The following DTNB variants were observed in gnomAD, a reference collection of about 807,000 sequenced individuals.
The protein encoded by DTNB is DTN-B.
In DTNB, 63 loss-of-function variants were observed where a neutral mutation model predicts 90.7. That is an observed-to-expected ratio of 0.69 (90% confidence interval 0.57 to 0.86). The LOEUF (loss-of-function observed/expected upper bound fraction) is 0.86. Ranked by LOEUF, DTNB falls within the 40% of genes least tolerant of loss-of-function variation. The probability of loss-of-function intolerance (pLI) is 0.00; values close to 1 mark genes in which losing one functional copy is unlikely to be tolerated. For missense variants in DTNB, 744 were observed against 807.1 expected, an observed-to-expected ratio of 0.92 and a Z score of 0.95; for synonymous variants, 277 against 286.7, an observed-to-expected ratio of 0.97 and a Z score of 0.34.
At chr2:25,508,005 G>A (rs894566218) in intron 9 of DTNB, among the ~76,000 whole-genome samples, 7 of 152,144 alleles carry the variant, frequency 4.6e-5, no homozygotes, top group Non-Finnish European at 1.0e-4. Flanking sequence ...ATGTTCAAAT[G>A]TCACTTTTCA....
At chr2:25,581,200 A>T (rs1214626082) in intron 6 of DTNB, among the ~76,000 whole-genome samples, 4 of 152,188 alleles carry the variant, frequency 2.6e-5, no homozygotes, top group Admixed American at 2.6e-4. Context: ...TCCAGTGGGG[A>T]AGAGAAGACA....
At chr2:25,405,018 A>G (rs928601961) in intron 16 of DTNB, among the ~76,000 whole-genome samples, 1 of 152,086 alleles carries the variant, frequency 6.6e-6, no homozygotes. Context: ...ATCATGGCTC[A>G]CCACAGCCTT....
At chr2:25,448,731 G>C (rs978961947) in intron 12 of DTNB, among the ~76,000 whole-genome samples, 1 of 151,884 alleles carries the variant, frequency 6.6e-6, no homozygotes, top group Non-Finnish European at 1.5e-5. Flanking sequence ...GCGGGCACCT[G>C]TAGTCCCAGC....
chr2:25,447,693 G>A (rs1196791820), intron 12 of DTNB, among the ~76,000 whole-genome samples: 1 of 151,676 alleles, frequency 6.6e-6, no homozygotes, highest in Non-Finnish European at 1.5e-5. Flanking sequence ...ATTTTTAGTA[G>A]AGACGGGGTT....
intron 3 of DTNB, among the ~76,000 whole-genome samples, chr2:25,631,987 G>A (rs1490540116): frequency 6.6e-6 from 1 of 152,078 alleles, no homozygotes; most frequent in African/African-American, 2.4e-5. Context: ...TTGAGGTCAG[G>A]AGTTCAAGAC....
chr2:25,618,239 C>T (rs1023275389), intron 4 of DTNB, among the ~76,000 whole-genome samples: 8 of 152,150 alleles, frequency 5.3e-5, no homozygotes, highest in African/African-American at 1.9e-4. Flanking sequence ...AGCATTCTTC[C>T]TCTACAACTA....
At chr2:25,597,193 T>C (rs1258713468) in intron 5 of DTNB, among the ~76,000 whole-genome samples, 1 of 152,008 alleles carries the variant, frequency 6.6e-6, no homozygotes, top group African/African-American at 2.4e-5. Context: ...TAGCCAGGCA[T>C]AGTGGTGTGC....
chr2:25,417,990 C>A (rs78090087), intron 16 of DTNB, among the ~76,000 whole-genome samples: 1 of 152,134 alleles, frequency 6.6e-6, no homozygotes, highest in Non-Finnish European at 1.5e-5. Flanking sequence ...GGAAGTGATG[C>A]GTGTCACTTC....
chr2:25,580,953 T>C (rs2148202608), intron 6 of DTNB, 127 bp from the exon 7 acceptor site: 1 of 692,736 alleles, frequency 1.4e-6, no homozygotes, highest in East Asian at 2.9e-5. Flanking sequence ...CAAAATAAAA[T>C]ATTTTACATT....
intron 9 of DTNB, among the ~76,000 whole-genome samples, chr2:25,492,026 T>C (rs973272269): frequency 6.6e-6 from 1 of 151,994 alleles, no homozygotes; most frequent in Admixed American, 6.6e-5. Context: ...GTCATTCGAG[T>C]GTACTGTCTA....
intron 4 of DTNB, among the ~76,000 whole-genome samples, chr2:25,612,958 T>C (rs1205182592): frequency 1.3e-5 from 2 of 152,200 alleles, no homozygotes; most frequent in Non-Finnish European, 2.9e-5. Flanking sequence ...CTCCTCATTC[T>C]GAAGGCTGTA....
intron 10 of DTNB, among the ~76,000 whole-genome samples, chr2:25,473,750 G>A (rs940346903): frequency 6.6e-6 from 1 of 152,140 alleles, no homozygotes; most frequent in Admixed American, 6.5e-5. Context: ...TTGACCAAAG[G>A]GACCTTAATT....
intron 1 of DTNB, among the ~76,000 whole-genome samples, chr2:25,661,912 T>G (rs1194644262): frequency 6.6e-6 from 1 of 152,160 alleles, no homozygotes; most frequent in African/African-American, 2.4e-5. Flanking sequence ...CCCAGTATTT[T>G]GGGAGGCTGA....
chr2:25,540,631 C>T (rs953241716), intron 8 of DTNB, among the ~76,000 whole-genome samples: 3 of 152,034 alleles, frequency 2.0e-5, no homozygotes, highest in African/African-American at 7.3e-5. Context: ...ACTGAGAAAT[C>T]GGATGGTTGC....
At position 25,630,032 on chromosome 2, in the gene DTNB, T is replaced by A. The variant is rs139501929; in HGVS notation, c.149-1648A>T. Among the ~76,000 whole-genome samples the A allele has an allele frequency of 2.5e-3, 384 of 152,134 alleles. 2 individuals carry two copies. The highest frequency in any genetic ancestry group is 8.9e-3 in the African/African-American group (369 of 41,492). Reference sequence around the variant, plus strand: ...CCAGACACATAAAAACTCTTACAATTCAACAATTAAAAAAAGATAACCCAA... The same window carrying A: ...CCAGACACATAAAAACTCTTACAATACAACAATTAAAAAAAGATAACCCAA... On this transcript the variant is annotated intron_variant, in intron 3 of 20. Transcript: ENST00000406818.
chr2:25,604,915 C>A (rs569850050), intron 5 of DTNB, among the ~76,000 whole-genome samples: 1 of 152,136 alleles, frequency 6.6e-6, no homozygotes, highest in Non-Finnish European at 1.5e-5. Context: ...TACACAGTCT[C>A]ACTACGTTGC....
At chr2:25,503,138 T>G (rs1258978717) in intron 9 of DTNB, among the ~76,000 whole-genome samples, 1 of 142,364 alleles carries the variant, frequency 7.0e-6, no homozygotes, top group East Asian at 2.2e-4. Context: ...AGTCAAATTA[T>G]CTCTATTTGC....
At chr2:25,447,013 C>T (rs1456538735) in intron 12 of DTNB, among the ~76,000 whole-genome samples, 4 of 152,198 alleles carry the variant, frequency 2.6e-5, no homozygotes, top group African/African-American at 9.7e-5. Flanking sequence ...TTAACCCATC[C>T]ACCAAGTTTT....
At chr2:25,570,405 T>TTAAAA (rs2059667325) in intron 8 of DTNB, among the ~76,000 whole-genome samples, 38 of 31,692 alleles carry the variant, frequency 1.2e-3, no homozygotes, top group African/African-American at 7.6e-3. Context: ...GTTTCCTGTC[T>TTAAAA]CAAAAAAAAA....
Sources: allele counts gnomAD v4.1 joint callset (sites outside exome capture counted in the v4.1 genomes callset), GRCh38; gene constraint gnomAD v4.1.1; transcripts MANE v1.5; gene names NCBI Gene and HGNC (gene_info 2026-07-23, HGNC 2026-07-21).